Variants in CTNNA3 observed in about 807,000 individuals in gnomAD.
The protein encoded by CTNNA3 is catenin alpha-3.
CTNNA3 carries 76 observed loss-of-function variants against 95.7 expected under a neutral mutation model. The ratio of observed to expected loss-of-function variants is 0.79; its 90% CI spans 0.66 to 0.96. The LOEUF is 0.96. Ranked by LOEUF, CTNNA3 falls within the 40% of genes least tolerant of loss-of-function variation. The pLI is 0.00. For synonymous variants in CTNNA3, 431 were observed against 374.4 expected (o/e 1.15, Z -1.74); for missense variants, 1,191 against 1,089.8 (o/e 1.09, Z -1.31).
At chr10:67,008,318 C>A (rs1852125061) in intron 7 of CTNNA3, among the ~76,000 whole-genome samples, 1 of 151,880 alleles carries the variant, frequency 6.6e-6, no homozygotes. Flanking sequence ...ATTCAATAAC[C>A]ATAGTGCTCA....
chr10:66,619,636 A>C (rs1320954274), intron 10 of CTNNA3, among the ~76,000 whole-genome samples: 1 of 149,200 alleles, frequency 6.7e-6, no homozygotes, highest in African/African-American at 2.5e-5. Context: ...TGGGTGCAGC[A>C]CACCAGCATG....
intron 10 of CTNNA3, among the ~76,000 whole-genome samples, chr10:66,579,869 C>T (rs1039476541): frequency 1.3e-5 from 2 of 151,702 alleles, no homozygotes; most frequent in Middle Eastern, 3.2e-3. Context: ...CTTTTTTCCA[C>T]AGAGAATGTG....
intron 13 of CTNNA3, among the ~76,000 whole-genome samples, chr10:66,183,157 A>G (rs2086142460): frequency 6.6e-6 from 1 of 152,258 alleles, no homozygotes; most frequent in African/African-American, 2.4e-5. Context: ...ACCTTTAGAC[A>G]GTCCATGCCC....
At chr10:67,736,826 A>G (rs931593303) in intron 1 of CTNNA3, among the ~76,000 whole-genome samples, 1 of 152,148 alleles carries the variant, frequency 6.6e-6, no homozygotes, top group African/African-American at 2.4e-5. Context: ...CATTTACAGA[A>G]TATTTCACCA....
intron 1 of CTNNA3, among the ~76,000 whole-genome samples, chr10:67,654,003 C>T (rs1839949363): frequency 6.6e-6 from 1 of 152,198 alleles, no homozygotes; most frequent in Non-Finnish European, 1.5e-5. Flanking sequence ...AGCCAAAAGG[C>T]AGCTGTTTGC....
intron 9 of CTNNA3, among the ~76,000 whole-genome samples, chr10:66,761,721 G>T (rs141587901): frequency 6.6e-6 from 1 of 152,042 alleles, no homozygotes; most frequent in African/African-American, 2.4e-5. Context: ...ACCACTTTAA[G>T]GTTAGAAACT....
chr10:67,282,780 C>T (rs1839450208), intron 5 of CTNNA3, among the ~76,000 whole-genome samples: 1 of 152,074 alleles, frequency 6.6e-6, no homozygotes, highest in East Asian at 1.9e-4. Flanking sequence ...AAAACAATGC[C>T]TCAAAATGAA....
At chr10:66,108,302 T>C (rs1036158998) in intron 13 of CTNNA3, among the ~76,000 whole-genome samples, 16 of 152,186 alleles carry the variant, frequency 1.1e-4, no homozygotes, top group Non-Finnish European at 2.2e-4. Context: ...CACTCTACCT[T>C]ATAAATATTC....
chr10:67,201,211 C>G (rs543180628), intron 6 of CTNNA3, among the ~76,000 whole-genome samples: 1 of 152,170 alleles, frequency 6.6e-6, no homozygotes, highest in Non-Finnish European at 1.5e-5. Context: ...ATGGTTTCCA[C>G]GTGAAACAAA....
intron 13 of CTNNA3, among the ~76,000 whole-genome samples, chr10:66,227,699 A>G (rs1376336130): frequency 6.6e-6 from 1 of 152,098 alleles, no homozygotes; most frequent in East Asian, 1.9e-4. Context: ...AATGAGTAAG[A>G]AAGTTTGTAC....
intron 12 of CTNNA3, among the ~76,000 whole-genome samples, chr10:66,353,601 T>C (rs1001726491): frequency 4.6e-5 from 7 of 152,070 alleles, no homozygotes; most frequent in Admixed American, 3.3e-4. Context: ...AGTAAACTTA[T>C]CTACATAAAT....
At chr10:66,142,797 T>A (rs1405384940) in intron 13 of CTNNA3, among the ~76,000 whole-genome samples, 1 of 152,102 alleles carries the variant, frequency 6.6e-6, no homozygotes, top group Admixed American at 6.6e-5. Flanking sequence ...TCTAATGCTA[T>A]AGGTATTACT....
chr10:66,159,707 G>A (rs190338463), intron 13 of CTNNA3, among the ~76,000 whole-genome samples: 2 of 150,032 alleles, frequency 1.3e-5, no homozygotes, highest in Non-Finnish European at 3.0e-5. Context: ...AATTAGGGAG[G>A]ATTCCTTCTT....
At chr10:66,961,685 A>C (rs1849115961) in intron 7 of CTNNA3, among the ~76,000 whole-genome samples, 1 of 152,160 alleles carries the variant, frequency 6.6e-6, no homozygotes, top group Admixed American at 6.5e-5. Context: ...TGAATTCTAG[A>C]TTTGTATATC....
At chr10:66,579,879 G>A (rs914690225) in intron 10 of CTNNA3, among the ~76,000 whole-genome samples, 1 of 151,696 alleles carries the variant, frequency 6.6e-6, no homozygotes, top group Non-Finnish European at 1.5e-5. Flanking sequence ...CAGAGAATGT[G>A]ATATTTATTT....
At chr10:67,220,402 G>C (rs558786061) in intron 5 of CTNNA3, among the ~76,000 whole-genome samples, 2 of 152,012 alleles carry the variant, frequency 1.3e-5, no homozygotes, top group African/African-American at 4.8e-5. Flanking sequence ...ATTAGTTACT[G>C]AGCACTTAGC....
intron 5 of CTNNA3, among the ~76,000 whole-genome samples, chr10:67,300,735 C>T (rs148692045): frequency 2.6e-5 from 4 of 152,172 alleles, no homozygotes; most frequent in African/African-American, 9.7e-5. Context: ...GCCTGATGAA[C>T]ATTAGCATTC....
At chr10:66,704,773 A>G (rs933891411) in intron 9 of CTNNA3, among the ~76,000 whole-genome samples, 1 of 152,174 alleles carries the variant, frequency 6.6e-6, no homozygotes, top group Non-Finnish European at 1.5e-5. Flanking sequence ...TTTTCACATT[A>G]GCAATGCTCA....
At chr10:67,524,904 A>G (rs1840096292) in intron 4 of CTNNA3, among the ~76,000 whole-genome samples, 1 of 152,192 alleles carries the variant, frequency 6.6e-6, no homozygotes, top group African/African-American at 2.4e-5. Flanking sequence ...GATTTTTCTA[A>G]TAGGCCACAA....
Sources: allele counts gnomAD v4.1 joint callset (sites outside exome capture counted in the v4.1 genomes callset), GRCh38; gene constraint gnomAD v4.1.1; transcripts MANE v1.5; gene names NCBI Gene and HGNC (gene_info 2026-07-23, HGNC 2026-07-21).